The following NBEAL1 variants were observed in gnomAD, a reference collection of about 807,000 sequenced individuals.
The protein encoded by NBEAL1 is neurobeachin like 1, also known as neurobeachin-like protein 1.
NBEAL1 carries 273 observed loss-of-function variants against 351.3 expected under a neutral mutation model. The observed-to-expected ratio is 0.78, with a 90% confidence interval of 0.70 to 0.86. NBEAL1 has a LOEUF of 0.86. Ranked by LOEUF, NBEAL1 falls within the 40% of genes least tolerant of loss-of-function variation. The pLI, the probability that NBEAL1 is intolerant of heterozygous loss-of-function variation, is 0.00. For synonymous variants in NBEAL1, 1,050 were observed against 1,086.4 expected, an observed-to-expected ratio of 0.97 and a Z score of 0.66; for missense variants, 2,961 against 3,201.3, an observed-to-expected ratio of 0.92 and a Z score of 1.81.
At chr2:203,096,609 CTAGAGA>C (rs565191383) in intron 10 of NBEAL1, among the ~76,000 whole-genome samples, 14 of 152,230 alleles carry the variant, frequency 9.2e-5, no homozygotes, top group African/African-American at 3.4e-4. Flanking sequence ...CCCATGTATG[CTAGAGA>C]TAATCTCAAT....
rs968836537 is a variant in NBEAL1 at position 203,107,952 on chromosome 2, T to A, written c.1713T>A (p.Ser571=). The A allele has an allele frequency of 1.9e-6, 3 of 1,554,298 alleles. No individual in the cohort carries two copies. The highest frequency in any genetic ancestry group is 2.7e-5 in the African/African-American group (2 of 73,574). ...LRLLRVDESE[S]VHPYVTPVTR... ...TGCTGAGAGTGGATGAATCTGAGTC[T>A]GTTCACCCTTATGTCACTCCCGTGA... The change falls in exon 14 of 56, where the codon TCT becomes TCA. Residue 571 remains serine (S), a synonymous_variant. Transcript: ENST00000683969.
rs183549264 is a variant in NBEAL1, at chr2:203,215,983, T to C, written c.8071-1270T>C. 2.6e-3 allele frequency among the ~76,000 whole-genome samples: 357 copies of C among 135,512 alleles called. 1 individual carries two copies. The highest frequency in any genetic ancestry group is 0.011 in the Admixed American group (140 of 12,260). The allele number at this position is 135,512 out of a possible 152,430, so 88.9% of individuals were successfully genotyped here. ...CTGAGGTTGCACCACTGCACTACAG[T>C]GTGGGCAACAGAGTGAAACCCTGTC... On this transcript the variant is annotated intron_variant, in intron 55 of 55. Transcript: ENST00000683969.
chr2:203,074,352 T>C (rs1364793360), intron 7 of NBEAL1, among the ~76,000 whole-genome samples: 3 of 136,862 alleles, frequency 2.2e-5, no homozygotes, highest in African/African-American at 8.6e-5. Flanking sequence ...TGACATGGGG[T>C]CTTACTCTGT....
At chr2:203,187,854 A>G (rs1462953684) in intron 44 of NBEAL1, among the ~76,000 whole-genome samples, 1 of 152,182 alleles carries the variant, frequency 6.6e-6, no homozygotes, top group Non-Finnish European at 1.5e-5. Context: ...ACTGTTTGGA[A>G]GTCTGTACAC....
At chr2:203,026,223 A>G (rs2060853629) in intron 2 of NBEAL1, among the ~76,000 whole-genome samples, 1 of 152,188 alleles carries the variant, frequency 6.6e-6, no homozygotes, top group South Asian at 2.1e-4. Flanking sequence ...TTTTTTGTGT[A>G]TAACCACTTT....
intron 2 of NBEAL1, among the ~76,000 whole-genome samples, chr2:203,027,903 T>A (rs1051824971): frequency 1.2e-4 from 18 of 151,664 alleles, no homozygotes; most frequent in African/African-American, 1.5e-4. Context: ...TTTTTTTTTT[T>A]AAATGGAGTC....
In NBEAL1 at chr2:203,139,557, C is replaced by CTTTTTTTTT. The variant is rs370861737; in HGVS notation, c.4848+830_4848+838dup. Among the ~76,000 whole-genome samples, 59 of 67,646 alleles carry CTTTTTTTTT rather than the reference C, an allele frequency of 8.7e-4. 8 individuals are homozygous for CTTTTTTTTT. The highest frequency in any genetic ancestry group is 2.1e-3 in the East Asian group (4 of 1,944). 44.4% of individuals were successfully genotyped at this position (67,646 alleles called of 152,430 possible). A position where few individuals can be genotyped will look rare whatever the true frequency, so the allele number is the denominator to read the frequency against. ...CTGACAACAGGTTGCCCACCCCCAC[C>CTTTTTTTTT]TTTTTTTTTTTTTTTTTTTTTTTTT... is the stretch of plus-strand genomic sequence containing the variant. On this transcript the variant is annotated intron_variant, in intron 31 of 55. Transcript: ENST00000683969.
chr2:203,206,945 C>G (rs1342335839), intron 51 of NBEAL1, among the ~76,000 whole-genome samples: 1 of 151,702 alleles, frequency 6.6e-6, no homozygotes, highest in East Asian at 2.0e-4. Flanking sequence ...AGCGTCTCTG[C>G]CCGGCCGCCA....
At position 203,132,095 on chromosome 2, in the gene NBEAL1, T is replaced by C; in HGVS notation, c.3687T>C (p.Ser1229=). 1.3e-6 allele frequency: 2 copies of C among 1,543,886 alleles called. No individual in the cohort carries two copies. The highest frequency in any genetic ancestry group is 1.8e-6 in the Non-Finnish European group (2 of 1,140,106). ...TTAATGAAGCACTTGTTAATACTTC[T>C]CTTATTAAAAACCTCACCCATCAAA... ...LLLNEALVNT[S]LIKNLTHQII... Residue 1229 remains serine (S), a synonymous_variant, in exon 26 of 56, where the codon TCT becomes TCC. Transcript: ENST00000683969.
intron 15 of NBEAL1, among the ~76,000 whole-genome samples, chr2:203,111,334 GATAAA>G (rs1032027816): frequency 5.3e-5 from 8 of 151,990 alleles, no homozygotes; most frequent in African/African-American, 9.7e-5. Flanking sequence ...TTAAAACAAT[GATAAA>G]ATAAAATGAG....
intron 6 of NBEAL1, 51 bp from the exon 7 acceptor site, chr2:203,068,342 G>A (rs183529017): frequency 3.1e-5 from 25 of 812,100 alleles, no homozygotes; most frequent in South Asian, 4.3e-5. Flanking sequence ...TAATTGTGCC[G>A]TGTCTGCTTG....
chr2:203,167,870 A>C (rs534031554), intron 38 of NBEAL1, among the ~76,000 whole-genome samples: 2 of 152,242 alleles, frequency 1.3e-5, no homozygotes. Context: ...TTGAGGTCAG[A>C]CAGGTATTAT....
At chr2:203,028,084 A>G (rs2060889072) in intron 2 of NBEAL1, among the ~76,000 whole-genome samples, 1 of 151,922 alleles carries the variant, frequency 6.6e-6, no homozygotes, top group South Asian at 2.1e-4. Flanking sequence ...GTTTTTCACC[A>G]TGTTGGCCAG....
intron 44 of NBEAL1, among the ~76,000 whole-genome samples, chr2:203,186,790 T>C (rs1451487267): frequency 1.3e-5 from 2 of 152,216 alleles, no homozygotes; most frequent in Non-Finnish European, 1.5e-5. Flanking sequence ...AGGTTTCTTA[T>C]GTGTCAGCTC....
At chr2:203,025,134 C>T (rs1170287070) in intron 2 of NBEAL1, among the ~76,000 whole-genome samples, 1 of 152,194 alleles carries the variant, frequency 6.6e-6, no homozygotes, top group Non-Finnish European at 1.5e-5. Flanking sequence ...TGAAAATTCT[C>T]AGATACCTTA....
rs2062848773 is a variant in NBEAL1 at position 203,122,235 on chromosome 2, A to G, written c.2593-19A>G. On this transcript the variant is annotated intron_variant, in intron 18 of 55. Transcript: ENST00000683969. ...TTTGTTCTAATTGGTTGTTTGCCAT[A>G]TTTTTCTTTTATTCTTAGGCCTGCA... 7.1e-7 allele frequency: 1 copy of G among 1,412,562 alleles called. No homozygotes were observed. 87.5% of individuals were successfully genotyped at this position (1,412,562 alleles called of 1,614,324 possible).
chr2:203,172,780 C>A lies in NBEAL1; in HGVS notation c.6250C>A (p.Pro2084Thr). 1 of 1,611,742 alleles carries A rather than the reference C, an allele frequency of 6.2e-7. No individual in the cohort carries two copies. The highest frequency in any genetic ancestry group is 8.5e-7 in the Non-Finnish European group (1 of 1,178,736). ...TTCGGAAGAGTTGGACCTTAATAAC[C>A]CTGCTGTATTTCGAGATCTTTCCAA... Reference protein sequence around the residue: ...YTSEELDLNNPAVFRDLSKPI... With the variant: ...YTSEELDLNNTAVFRDLSKPI... Residue 2084 changes from proline to threonine, a missense_variant, in exon 41 of 56, where the codon CCT (proline) becomes ACT (threonine). Physicochemically the swap from Pro to Thr is conservative, Grantham distance 38. Transcript: ENST00000683969.
At chr2:203,130,926 C>T (rs1357239090) in intron 25 of NBEAL1, among the ~76,000 whole-genome samples, 6 of 152,142 alleles carry the variant, frequency 3.9e-5, no homozygotes, top group Non-Finnish European at 7.4e-5. Flanking sequence ...CCAGAGAGAT[C>T]AGTAACTTAT....
Position 203,149,030 on chromosome 2 carries a change from G to A in NBEAL1, c.5344G>A (p.Glu1782Lys). ...VEPFNRKARQ[E>K]NLRYNNMLKQ... ...GCCATTTAATCGAAAAGCACGCCAA[G>A]AGAACCTGAGGTATAATAATATGCT... The change falls in exon 34 of 56, where the codon GAG (glutamate) becomes AAG (lysine). Residue 1782 changes from glutamate (E) to lysine (K), a missense_variant. Transcript: ENST00000683969. 1 of 1,610,826 alleles carries A rather than the reference G, an allele frequency of 6.2e-7. No individual in the cohort carries two copies. The highest frequency in any genetic ancestry group is 1.1e-5 in the South Asian group (1 of 90,456).
Sources: allele counts gnomAD v4.1 joint callset (sites outside exome capture counted in the v4.1 genomes callset), GRCh38; gene constraint gnomAD v4.1.1; transcripts MANE v1.5; gene names NCBI Gene and HGNC (gene_info 2026-07-23, HGNC 2026-07-21).